The following KCTD9 variants were observed in gnomAD, a reference collection of about 807,000 sequenced individuals.
KCTD9 encodes the protein potassium channel tetramerization domain containing 9, also known as BTB/POZ domain-containing protein KCTD9.
KCTD9 carries 17 observed loss-of-function variants against 53.3 expected under a neutral mutation model. That is an observed-to-expected ratio of 0.32 (90% CI 0.22 to 0.48). The LOEUF is 0.48. Among genes scored for constraint, KCTD9 ranks in the 20% least tolerant of loss-of-function variants. The pLI is 0.99. For missense variants in KCTD9, 179 were observed against 465.5 expected (o/e 0.38, Z 5.66); for synonymous variants, 128 against 162.7 (o/e 0.79, Z 1.62).
chr8:25,439,195 T>C, intron 6 of KCTD9, 84 bp downstream of exon 6: 1 of 1,068,170 alleles, frequency 9.4e-7, no homozygotes, highest in Non-Finnish European at 1.3e-6. Flanking sequence ...AATATACTGT[T>C]ACTGAGTGAA....
rs1801880405 is a variant in KCTD9 at position 25,428,714 on chromosome 8, A to C, written c.*1143T>G. 1.3e-5 allele frequency: 2 copies of C among 152,048 alleles called. No individual in the cohort carries two copies. The highest frequency in any genetic ancestry group is 4.1e-4 in the South Asian group (2 of 4,832). The allele number at this position is 152,048 out of a possible 1,614,324, so 9.4% of individuals were successfully genotyped here. On this transcript the variant is annotated 3_prime_UTR_variant, in exon 12 of 12. Coordinates refer to ENST00000221200, the MANE Select transcript of KCTD9 (RefSeq NM_017634.4). ...AATCACAGGTGCTGACTGATTGATA[A>C]TTACATCTTGGACCAGCCAAATGCC... is the stretch of plus-strand genomic sequence containing the variant.
intron 6 of KCTD9, among the ~76,000 whole-genome samples, chr8:25,438,237 G>A (rs1802055708): frequency 6.6e-6 from 1 of 151,126 alleles, no homozygotes; most frequent in Admixed American, 6.6e-5. Context: ...ATTAAAATGG[G>A]AGAAATAGAA....
chr8:25,440,027 T>C (rs1802089206), intron 4 of KCTD9, among the ~76,000 whole-genome samples: 1 of 152,078 alleles, frequency 6.6e-6, no homozygotes, highest in Admixed American at 6.6e-5. Flanking sequence ...TTACTTATAT[T>C]GTGTGTTTAT....
intron 1 of KCTD9, chr8:25,451,506 C>T: frequency 6.6e-6 from 1 of 152,152 alleles, no homozygotes; most frequent in South Asian, 2.1e-4. Context: ...CCTGATGTTT[C>T]CATGTCACTG....
At chr8:25,451,598 A>C (rs936937694) in intron 1 of KCTD9, 1 of 152,178 alleles carries the variant, frequency 6.6e-6, no homozygotes, top group Non-Finnish European at 1.5e-5. Flanking sequence ...AAAGTTCATG[A>C]TGTCTGTATT....
chr8:25,456,776 G>C (rs1443061598), intron 1 of KCTD9, among the ~76,000 whole-genome samples: 19 of 152,120 alleles, frequency 1.2e-4, no homozygotes, highest in Admixed American at 1.2e-3. Context: ...GTGGATTTGG[G>C]AGAGATTTAG....
At chr8:25,454,989 G>A (rs775147224) in intron 1 of KCTD9, among the ~76,000 whole-genome samples, 1 of 152,196 alleles carries the variant, frequency 6.6e-6, no homozygotes, top group African/African-American at 2.4e-5. Flanking sequence ...ACTTTGGGAA[G>A]CCAAGGCAGG....
At chr8:25,455,402 A>C (rs1031908526) in intron 1 of KCTD9, among the ~76,000 whole-genome samples, 1 of 152,164 alleles carries the variant, frequency 6.6e-6, no homozygotes, top group Non-Finnish European at 1.5e-5. Context: ...TCAAAGAATA[A>C]CATACACTTA....
At chr8:25,453,386 T>G (rs1303095483) in intron 1 of KCTD9, among the ~76,000 whole-genome samples, 1 of 150,068 alleles carries the variant, frequency 6.7e-6, no homozygotes, top group African/African-American at 2.5e-5. Context: ...CCGGGCACGG[T>G]GGCTCAAGCC....
chr8:25,448,043 A>G (rs1329751228), intron 1 of KCTD9, among the ~76,000 whole-genome samples: 1 of 151,974 alleles, frequency 6.6e-6, no homozygotes, highest in African/African-American at 2.4e-5. Flanking sequence ...TGGGAGGATC[A>G]CTTGAGCCTG....
At chr8:25,457,001 T>C (rs1326559728) in intron 1 of KCTD9, among the ~76,000 whole-genome samples, 3 of 152,186 alleles carry the variant, frequency 2.0e-5, no homozygotes, top group African/African-American at 7.2e-5. Flanking sequence ...TGATGAGAAA[T>C]GTAAACTTCG....
chr8:25,435,794 T>C (rs1586424627), intron 8 of KCTD9, among the ~76,000 whole-genome samples: 1 of 152,186 alleles, frequency 6.6e-6, no homozygotes, highest in East Asian at 1.9e-4. Flanking sequence ...GTTAGTCCTA[T>C]ACCTGCTAAT....
At chr8:25,449,036 A>G (rs1409069912) in intron 1 of KCTD9, among the ~76,000 whole-genome samples, 1 of 152,234 alleles carries the variant, frequency 6.6e-6, no homozygotes, top group Non-Finnish European at 1.5e-5. Context: ...CCTGGGACAA[A>G]GCGAAGCGAA....
chr8:25,437,302 G>A (rs1455049725), intron 6 of KCTD9, among the ~76,000 whole-genome samples: 1 of 152,138 alleles, frequency 6.6e-6, no homozygotes, highest in Non-Finnish European at 1.5e-5. Flanking sequence ...TCTAAGTAAA[G>A]CAGAACTCTT....
At chr8:25,440,499 A>G (rs751588193) in intron 4 of KCTD9, 78 bp downstream of exon 4, 4 of 950,698 alleles carry the variant, frequency 4.2e-6, no homozygotes, top group Non-Finnish European at 6.9e-6. Context: ...CTTTTAAGGA[A>G]ATCAGCAAAT....
intron 1 of KCTD9, chr8:25,450,419 T>C (rs1275504737): frequency 1.0e-6 from 1 of 984,486 alleles, no homozygotes; most frequent in Non-Finnish European, 1.2e-6. Context: ...TTCTTGAATG[T>C]TGAGTGTTGA....
In KCTD9 at chr8:25,458,063, C is replaced by A. The variant is rs955585944; in HGVS notation, c.48+136G>T. On this transcript the variant is annotated intron_variant, in intron 1 of 11. Transcript: ENST00000221200. ...GAGGCCGCGGGGACCCTGTGCTGTC[C>A]CCGAGCGCCCCCAGCCCGCGCACGC... 4 of 835,740 alleles carry A rather than the reference C, an allele frequency of 4.8e-6. No individual in the cohort carries two copies. In the African/African-American group the frequency reaches 5.2e-5, roughly 11 times the overall value. 51.8% of individuals were successfully genotyped at this position (835,740 alleles called of 1,614,324 possible).
intron 6 of KCTD9, among the ~76,000 whole-genome samples, chr8:25,437,466 G>C (rs910865714): frequency 6.6e-6 from 1 of 152,100 alleles, no homozygotes; most frequent in Non-Finnish European, 1.5e-5. Flanking sequence ...CTTGAGGTCA[G>C]GAGTTCGAGA....
intron 1 of KCTD9, chr8:25,450,251 A>G: frequency 2.2e-6 from 2 of 896,390 alleles, no homozygotes; most frequent in Non-Finnish European, 2.7e-6. Context: ...TTAATTTGCA[A>G]AAAGTTGTTA....
Sources: allele counts gnomAD v4.1 joint callset (sites outside exome capture counted in the v4.1 genomes callset), GRCh38; gene constraint gnomAD v4.1.1; transcripts MANE v1.5; gene names NCBI Gene and HGNC (gene_info 2026-07-23, HGNC 2026-07-21).